TTN: variants seen among roughly 807,000 people sequenced by gnomAD.
The protein encoded by TTN is titin, also known as connectin.
TTN carries 1,525 observed loss-of-function variants against 3,223.0 expected under a neutral mutation model. The observed-to-expected ratio is 0.47, with a 90% CI of 0.45 to 0.49. The LOEUF is 0.49. TTN is among the 20% of genes least tolerant of loss of function. The pLI, the probability that TTN is intolerant of heterozygous loss-of-function variation, is 0.00. For synonymous variants in TTN, 14,094 were observed against 15,161.0 expected (o/e 0.93, Z 5.17); for missense variants, 40,786 against 43,424.0 (o/e 0.94, Z 5.40).
rs1421650962 is a variant in TTN at position 178,575,330 on chromosome 2, T to G, written c.70802A>C (p.Tyr23601Ser). 6.2e-7 allele frequency: 1 copy of G among 1,613,402 alleles called. No individual in the cohort carries two copies. The highest frequency in any genetic ancestry group is 1.3e-5 in the African/African-American group (1 of 74,908). Residue 23601 changes from tyrosine (Y) to serine (S), a missense_variant, in exon 326 of 363, where the codon TAT (tyrosine) becomes TCT (serine). Physicochemically the swap from Tyr to Ser is moderately radical, Grantham distance 144. Coordinates refer to ENST00000589042, the MANE Select transcript of TTN (RefSeq NM_001267550.2). The surrounding 1 kb of genome is among the most constrained non-coding windows in gnomAD (Gnocchi z 4.0). ...GTTCACTGCCATCACTTGGAAGGTATATTCCTCTCCTTCAGTTAGATTCCT... is the reference window on the plus strand; with the variant it reads ...GTTCACTGCCATCACTTGGAAGGTAGATTCCTCTCCTTCAGTTAGATTCCT... The part of the protein sequence containing the change: ...VVRNLTEGEE[Y>S]TFQVMAVNSA...
intron 255 of TTN, 38 bp from the exon 256 acceptor site, chr2:178,617,051 A>G (rs2057464873): frequency 1.9e-6 from 3 of 1,611,350 alleles, no homozygotes; most frequent in Non-Finnish European, 2.5e-6. Context: ...GCAGTGCCAT[A>G]TTTAAGTCCC....
intron 253 of TTN, 103 bp downstream of exon 253, chr2:178,617,676 T>C: frequency 2.0e-6 from 3 of 1,483,002 alleles, no homozygotes; most frequent in Non-Finnish European, 2.7e-6. Context: ...TTTTATGATA[T>C]TCTACCTTTT....
At chr2:178,800,022 A>G in intron 4 of TTN, 112 bp from the exon 5 acceptor site, 1 of 1,143,428 alleles carries the variant, frequency 8.7e-7, no homozygotes, top group Non-Finnish European at 1.3e-6. Context: ...ATCCCAATGG[A>G]GAAAATTGCA....
chr2:178,675,982 C>A lies in TTN; in HGVS notation c.34392G>T (p.Lys11464Asn). ...PPPPPKVPEI[K>N]KKVTEKKVVI... ...CCACTTTCTTCTCTGTCACTTTCTTCTTAATTTCAGGCACTTTAAAGACAT... is the reference window on the plus strand; with the variant it reads ...CCACTTTCTTCTCTGTCACTTTCTTATTAATTTCAGGCACTTTAAAGACAT... The change falls in exon 148 of 363, where the codon AAG becomes AAT. Residue 11464 changes from lysine (K) to asparagine (N), a missense_variant. By Grantham distance (94) the Lys-to-Asn change is moderately conservative. Coordinates refer to ENST00000589042, the MANE Select transcript of TTN (RefSeq NM_001267550.2). 6.2e-7 allele frequency: 1 copy of A among 1,602,028 alleles called. No individual in the cohort carries two copies.
At chr2:178,726,874 A>G (rs909871986) in intron 69 of TTN, 1 of 403,382 alleles carries the variant, frequency 2.5e-6, no homozygotes, top group Non-Finnish European at 4.2e-6. Context: ...AATCAGAATT[A>G]TGACACTGGA....
rs1222398324 is a variant in TTN at position 178,535,739 on chromosome 2, C to T, written c.100876G>A (p.Val33626Met). ...KIPFSGKPDP[V>M]ITWQKGQDLI... ...TCTTGTCCTTTCTGCCAGGTGATCACAGGATCTGGTTTGCCACTGAAAGGA... is the reference window on the plus strand; with the variant it reads ...TCTTGTCCTTTCTGCCAGGTGATCATAGGATCTGGTTTGCCACTGAAAGGA... The change falls in exon 358 of 363, where the codon GTG (valine) becomes ATG (methionine). Residue 33626 changes from valine to methionine, a missense_variant. Coordinates refer to ENST00000589042, the MANE Select transcript of TTN (RefSeq NM_001267550.2). The T allele has an allele frequency of 1.5e-5, 24 of 1,613,512 alleles. No homozygotes were observed. Among genetic ancestry groups the T allele is most frequent in the Non-Finnish European group, 2.0e-5 (24 of 1,179,784 alleles).
At chr2:178,684,219 C>G (rs1365581482) in intron 132 of TTN, 111 bp downstream of exon 132, 2 of 1,339,454 alleles carry the variant, frequency 1.5e-6, no homozygotes, top group Non-Finnish European at 2.1e-6. Flanking sequence ...GTAACAACAA[C>G]AACAACATCA....
chr2:178,602,668 C>T (rs1459791658), intron 282 of TTN, 78 bp from the exon 283 acceptor site: 4 of 1,083,346 alleles, frequency 3.7e-6, no homozygotes, highest in African/African-American at 3.3e-5. Context: ...TACACATGAT[C>T]ATATATTATT....
chr2:178,541,159 TGTG>T (rs1694334867), intron 350 of TTN, 120 bp downstream of exon 350: 7 of 936,624 alleles, frequency 7.5e-6, no homozygotes. Flanking sequence ...ACATTTTGAT[TGTG>T]GTGGTGATTA....
intron 85 of TTN, 29 bp from the exon 86 acceptor site, chr2:178,718,250 G>T: frequency 6.3e-7 from 1 of 1,592,364 alleles, no homozygotes; most frequent in Non-Finnish European, 8.5e-7. Flanking sequence ...TAGTCAGCAA[G>T]TCAGTCATGC....
chr2:178,677,339 T>C (rs1577286845), intron 146 of TTN, 52 bp from the exon 147 acceptor site: 3 of 374,168 alleles, frequency 8.0e-6, no homozygotes, highest in Non-Finnish European at 7.5e-6. Context: ...CATGGTCATA[T>C]ATATATATAT....
chr2:178,559,645 A>G lies in TTN; in HGVS notation c.86487T>C (p.Asn28829=). Residue 28829 remains asparagine, a synonymous_variant, in exon 326 of 363, where the codon AAT becomes AAC. Transcript: ENST00000589042. The part of the protein sequence containing the change: ...DSGKYTLTIQ[N]VLSAASLTLV... Reference sequence around the variant, plus strand: ...AGGTCAGTGAAGCAGCACTCAAAACATTCTGAATTGTTAATGTGTACTTTC... The same window carrying G: ...AGGTCAGTGAAGCAGCACTCAAAACGTTCTGAATTGTTAATGTGTACTTTC... The G allele has an allele frequency of 6.2e-7, 1 of 1,613,710 alleles. No homozygotes were observed. The highest frequency in any genetic ancestry group is 8.5e-7 in the Non-Finnish European group (1 of 1,179,748).
chr2:178,567,888 A>T lies in TTN; in HGVS notation c.78244T>A (p.Cys26082Ser), dbSNP rs794727452. Residue 26082 changes from cysteine to serine, a missense_variant, in exon 326 of 363, where the codon TGC (cysteine) becomes AGC (serine). By Grantham distance (112) the Cys-to-Ser change is moderately radical (BLOSUM62 -1). Transcript: ENST00000589042. ...TCACAGGGATCTCTGGCTACATAGCATTCAGAATTCTTGCTTGCTTTGCCT... is the reference window on the plus strand; with the variant it reads ...TCACAGGGATCTCTGGCTACATAGCTTTCAGAATTCTTGCTTGCTTTGCCT... ...GVGKASKNSE[C>S]YVARDPCDPP... 1.2e-5 allele frequency: 20 copies of T among 1,613,436 alleles called. No individual in the cohort carries two copies. Among genetic ancestry groups the T allele is most frequent in the Non-Finnish European group, 1.7e-5 (20 of 1,179,610 alleles).
rs781244122 is a variant in TTN, at chr2:178,781,306, C to A, written c.3381-43G>T. On this transcript the variant is annotated intron_variant, in intron 20 of 362. Coordinates refer to ENST00000589042, the MANE Select transcript of TTN (RefSeq NM_001267550.2). Reference sequence around the variant, plus strand: ...AAATTTAAAAATCAGTTATCAACAACTCTTCTGTGGGTAAAATAATTGGAC... The same window carrying A: ...AAATTTAAAAATCAGTTATCAACAAATCTTCTGTGGGTAAAATAATTGGAC... 7 of 1,608,910 alleles carry A rather than the reference C, an allele frequency of 4.4e-6. No homozygotes were observed. In the East Asian group the frequency reaches 1.3e-4, roughly 31 times the overall value.
rs1348390853 is a variant in TTN, at chr2:178,539,515, G to C, written c.98550C>G (p.Val32850=). The part of the protein sequence containing the change: ...KAAWYTIDSR[V]RGTSLVVKGL... ...CTTTTACCACCAGAGATGTACCTCG[G>C]ACTCTGGAATCAATGGTATACCAGG... Residue 32850 remains valine (V), a synonymous_variant, in exon 352 of 363, where the codon GTC becomes GTG. Coordinates refer to ENST00000589042, the MANE Select transcript of TTN (RefSeq NM_001267550.2). 2 of 1,613,720 alleles carry C rather than the reference G, an allele frequency of 1.2e-6. No individual in the cohort carries two copies. The highest frequency in any genetic ancestry group is 1.7e-5 in the Admixed American group (1 of 59,986).
At chr2:178,689,963 T>C in intron 121 of TTN, 67 bp from the exon 122 acceptor site, 1 of 1,336,432 alleles carries the variant, frequency 7.5e-7, no homozygotes, top group Non-Finnish European at 1.1e-6. Flanking sequence ...CATAGGCACA[T>C]GCACAAATCT....
At position 178,585,306 on chromosome 2, in the gene TTN, C is replaced by T; in HGVS notation, c.64438G>A (p.Ala21480Thr). Residue 21480 changes from alanine to threonine, a missense_variant, in exon 309 of 363, where the codon GCT becomes ACT. Physicochemically the swap from Ala to Thr is moderately conservative, Grantham distance 58. Transcript: ENST00000589042. Reference sequence around the variant, plus strand: ...GCTTCAATTCGGAGTTTTTTCCCAGCTTTGATAGTTATTTGCTCTGGCATA... The same window carrying T: ...GCTTCAATTCGGAGTTTTTTCCCAGTTTTGATAGTTATTTGCTCTGGCATA... ...ILMPEQITIK[A>T]GKKLRIEAHV... is the part of the protein sequence containing the mutation. The T allele has an allele frequency of 6.2e-7, 1 of 1,610,302 alleles. No individual in the cohort carries two copies. The highest frequency in any genetic ancestry group is 8.5e-7 in the Non-Finnish European group (1 of 1,178,130).
At position 178,633,023 on chromosome 2, in the gene TTN, C is replaced by T; in HGVS notation, c.43108G>A (p.Gly14370Arg). 1.2e-6 allele frequency: 2 copies of T among 1,613,012 alleles called. No homozygotes were observed. The highest frequency in any genetic ancestry group is 1.7e-6 in the Non-Finnish European group (2 of 1,179,360). ...ASPDCEIIED[G>R]KKHILILHNC... is the part of the protein sequence containing the mutation. ...TGAAGGATCAGAATATGCTTCTTTC[C>T]ATCCTCAATGATTTCACAGTCCTGT... Residue 14370 changes from glycine (G) to arginine (R), a missense_variant, in exon 234 of 363, where the codon GGA becomes AGA. Physicochemically the swap from Gly to Arg is moderately radical, Grantham distance 125 (BLOSUM62 -2). Coordinates refer to ENST00000589042, the MANE Select transcript of TTN (RefSeq NM_001267550.2).
rs754292352 is a variant in TTN, at chr2:178,577,125, T to C, written c.69210A>G (p.Ser23070=). The C allele has an allele frequency of 1.5e-5, 25 of 1,613,094 alleles. No individual in the cohort carries two copies. In the South Asian group the frequency reaches 1.8e-4, roughly 11 times the overall value. The stretch of plus-strand genomic sequence containing the variant: ...TTTCAAGTATATAGGACTTAATTGG[T>C]GAGCCGCCATCTTCCAAGGGAGGTG... ...TWTPPLEDGG[S]PIKSYILEKR... The change falls in exon 324 of 363, where the codon TCA becomes TCG. Residue 23070 remains serine (S), a synonymous_variant. Transcript: ENST00000589042.
Sources: allele counts gnomAD v4.1 joint callset, GRCh38; gene constraint gnomAD v4.1.1; non-coding constraint Gnocchi (gnomAD v3.1); transcripts MANE v1.5; gene names NCBI Gene and HGNC (gene_info 2026-07-23, HGNC 2026-07-21).